ZFYVE28: variants seen among roughly 807,000 people sequenced by gnomAD.
ZFYVE28 encodes the protein lateral signaling target protein 2 homolog.
Under a neutral mutation model 82.1 loss-of-function variants are expected in ZFYVE28, and 40 were observed. That is an observed-to-expected ratio of 0.49 (90% CI 0.38 to 0.63). The LOEUF is 0.63. Ranked by LOEUF, ZFYVE28 falls within the 30% of genes least tolerant of loss-of-function variation. The pLI is 0.00. For missense variants in ZFYVE28, 1,321 were observed against 1,242.1 expected (o/e 1.06, Z -0.96); for synonymous variants, 612 against 546.1 (o/e 1.12, Z -1.68).
chr4:2,341,606 A>G lies in ZFYVE28; in HGVS notation c.190T>C (p.Leu64=). The G allele has an allele frequency of 6.2e-7, 1 of 1,609,664 alleles. No individual in the cohort carries two copies. Among genetic ancestry groups the G allele is most frequent in the Non-Finnish European group, 8.5e-7 (1 of 1,176,372 alleles). The change falls in exon 3 of 13, where the codon TTG becomes CTG. Residue 64 remains leucine (L), a synonymous_variant. Transcript: ENST00000290974. The surrounding 1 kb of genome is among the most constrained non-coding windows in gnomAD (Gnocchi z 4.5). ...TCCATGATCTGGTTAATGATGTTCA[A>G]CACATTGTCCTGAAACAGAAGACAG... ...SQFRSCQDNV[L]NIINQIMDEC... is the part of the protein sequence containing the mutation.
Position 2,304,613 on chromosome 4 carries a change from T to C in ZFYVE28, c.1727A>G (p.Asp576Gly). Residue 576 changes from aspartate (D) to glycine (G), a missense_variant, in exon 8 of 13, where the codon GAC (aspartate) becomes GGC (glycine). Physicochemically the swap from Asp to Gly is moderately conservative, Grantham distance 94 (BLOSUM62 -1). Coordinates refer to ENST00000290974, the MANE Select transcript of ZFYVE28 (RefSeq NM_020972.3). ...CCGSCGDSRE[D>G]VVERLREKCS... ...CTTCTCCCGCAGACGCTCCACCACGTCCTCCCTGCTGTCCCCGCAGCTCCC... is the reference window on the plus strand; with the variant it reads ...CTTCTCCCGCAGACGCTCCACCACGCCCTCCCTGCTGTCCCCGCAGCTCCC... The C allele has an allele frequency of 6.2e-7, 1 of 1,612,358 alleles. No individual in the cohort carries two copies. The highest frequency in any genetic ancestry group is 1.1e-5 in the South Asian group (1 of 91,038).
At chr4:2,374,512 C>G (rs1578302283) in intron 1 of ZFYVE28, among the ~76,000 whole-genome samples, 1 of 152,114 alleles carries the variant, frequency 6.6e-6, no homozygotes, top group Non-Finnish European at 1.5e-5. Context: ...ACTAGGGAGG[C>G]TGAGGTGGGA....
At chr4:2,404,634 C>T (rs1731624567) in intron 1 of ZFYVE28, among the ~76,000 whole-genome samples, 1 of 152,188 alleles carries the variant, frequency 6.6e-6, no homozygotes, top group African/African-American at 2.4e-5. Flanking sequence ...ACAGGCAAAT[C>T]CGCAGAGATG....
chr4:2,368,307 C>T (rs1333992449), intron 1 of ZFYVE28, among the ~76,000 whole-genome samples: 1 of 151,332 alleles, frequency 6.6e-6, no homozygotes, highest in Non-Finnish European at 1.5e-5. Context: ...GAGGCTGAAG[C>T]GGGAAGATCG....
rs148277005 is a variant in ZFYVE28, at chr4:2,305,450, C to T, written c.890G>A (p.Arg297His). 4.3e-5 allele frequency: 70 copies of T among 1,612,784 alleles called. 1 individual carries two copies. The highest frequency in any genetic ancestry group is 1.3e-4 in the African/African-American group (10 of 74,942). ...CISQDVEFPIRADVQGPAALA... is the reference protein window; with the variant it reads ...CISQDVEFPIHADVQGPAALA... ...GGCAGCGGGTCCCTGCACGTCTGCGCGGATGGGGAACTCCACGTCTTGGGA... is the reference window on the plus strand; with the variant it reads ...GGCAGCGGGTCCCTGCACGTCTGCGTGGATGGGGAACTCCACGTCTTGGGA... The change falls in exon 8 of 13, where the codon CGC (arginine) becomes CAC (histidine). Residue 297 changes from arginine to histidine, a missense_variant. Arg to His is a conservative substitution (Grantham distance 29). Transcript: ENST00000290974.
intron 6 of ZFYVE28, chr4:2,329,083 G>A (rs957213162): frequency 1.4e-6 from 1 of 694,166 alleles, no homozygotes; most frequent in African/African-American, 1.8e-5. Flanking sequence ...TTTCAATATT[G>A]TTTTGGCTAT....
At chr4:2,412,120 G>C (rs1578431658) in intron 1 of ZFYVE28, among the ~76,000 whole-genome samples, 1 of 152,310 alleles carries the variant, frequency 6.6e-6, no homozygotes, top group Middle Eastern at 3.4e-3. Flanking sequence ...GGGGATGCCT[G>C]AGGCGTACTA....
At chr4:2,410,452 T>C (rs992371040) in intron 1 of ZFYVE28, among the ~76,000 whole-genome samples, 15 of 76,946 alleles carry the variant, frequency 1.9e-4, no homozygotes, top group Admixed American at 1.5e-4. Flanking sequence ...CATCCTCCCT[T>C]TCTTTTTTTT....
rs538646849 is a variant in ZFYVE28 at position 2,369,207 on chromosome 4, C to T, written c.40-15134G>A. 1.1e-3 allele frequency among the ~76,000 whole-genome samples: 173 copies of T among 152,282 alleles called. 1 individual carries two copies. In the South Asian group the frequency reaches 0.034, roughly 30 times the overall value. On this transcript the variant is annotated intron_variant, in intron 1 of 12. Transcript: ENST00000290974. ...ACATCTGTGAGTCAAGGGTGTGGAA[C>T]GCCGCACTCTGTGGACTGACCAGAT... is the stretch of plus-strand genomic sequence containing the variant.
intron 8 of ZFYVE28, among the ~76,000 whole-genome samples, chr4:2,290,550 A>G (rs1713475375): frequency 6.6e-6 from 1 of 152,154 alleles, no homozygotes; most frequent in African/African-American, 2.4e-5. Flanking sequence ...TGTCTCCAAA[A>G]GCCGGGGGCC....
chr4:2,409,612 A>G lies in ZFYVE28; in HGVS notation c.39+8673T>C, dbSNP rs1732297811. On this transcript the variant is annotated intron_variant, in intron 1 of 12. Transcript: ENST00000290974. This position sits in a 1 kb window ranked among gnomAD's most constrained non-coding sequence, Gnocchi z 4.4. ...GATCCCTGGCTCAGGCAAGGCCCAC[A>G]TGGCCTGACAGCCTTGGAGATTCCC... Among the ~76,000 whole-genome samples, 1 of 152,136 alleles carries G rather than the reference A, an allele frequency of 6.6e-6. No individual in the cohort carries two copies. Among genetic ancestry groups the G allele is most frequent in the Non-Finnish European group, 1.5e-5 (1 of 68,018 alleles).
Position 2,270,851 on chromosome 4 carries a change from G to T in ZFYVE28, c.2538C>A (p.Phe846Leu), listed in dbSNP as rs761139102. 14 of 1,612,644 alleles carry T rather than the reference G, an allele frequency of 8.7e-6. No individual in the cohort carries two copies. The highest frequency in any genetic ancestry group is 1.1e-5 in the Non-Finnish European group (13 of 1,179,926). ...CTGAGTGCGAGGAGCAGCGCGAGCA[G>T]AAGATCTGGAATGGGGTTGGGGCAG... ...KHHCRSCGKI[F>L]CSRCSSHSAP... is the part of the protein sequence containing the mutation. Residue 846 changes from phenylalanine (F) to leucine (L), a missense_variant, in exon 13 of 13, where the codon TTC becomes TTA. Phe to Leu is a conservative substitution (Grantham distance 22). This residue lies in a region of ZFYVE28 where 978 missense variants were observed against 833.7 expected (regional missense o/e 1.17). Coordinates refer to ENST00000290974, the MANE Select transcript of ZFYVE28 (RefSeq NM_020972.3).
intron 7 of ZFYVE28, among the ~76,000 whole-genome samples, chr4:2,308,731 AAAAG>A (rs1717074415): frequency 6.6e-6 from 1 of 151,586 alleles, no homozygotes; most frequent in Non-Finnish European, 1.5e-5. Context: ...AAGAAAAAAG[AAAAG>A]AAAGGAAGGA....
At chr4:2,279,502 G>A (rs886203300) in intron 8 of ZFYVE28, among the ~76,000 whole-genome samples, 11 of 152,208 alleles carry the variant, frequency 7.2e-5, no homozygotes, top group African/African-American at 9.6e-5. Context: ...CAAACTGGCC[G>A]GGTGCAGTGG....
At position 2,371,925 on chromosome 4, in the gene ZFYVE28, C is replaced by T. The variant is rs545116285; in HGVS notation, c.40-17852G>A. On this transcript the variant is annotated intron_variant, in intron 1 of 12. Transcript: ENST00000290974. ...GGGCTCCAGGGCCGTGAGCTGATGG[C>T]CGTGTGTCCCCAGGATCCAGGGCTG... Among the ~76,000 whole-genome samples the T allele has an allele frequency of 3.3e-5, 5 of 152,154 alleles. No individual in the cohort carries two copies. The South Asian group carries it at 1.0e-3, about 32-fold the overall frequency.
chr4:2,323,633 G>A (rs920109335), intron 6 of ZFYVE28, among the ~76,000 whole-genome samples: 31 of 151,152 alleles, frequency 2.1e-4, no homozygotes, highest in African/African-American at 6.3e-4. Flanking sequence ...ATGCTGGTGC[G>A]CTGCACCCAT....
Position 2,279,596 on chromosome 4 carries a change from G to A in ZFYVE28, c.2052-5380C>T, listed in dbSNP as rs1040524867. 5.8e-4 allele frequency among the ~76,000 whole-genome samples: 88 copies of A among 152,162 alleles called. 1 individual carries two copies. Among genetic ancestry groups the A allele is most frequent in the Admixed American group, 2.1e-3 (32 of 15,286 alleles). On this transcript the variant is annotated intron_variant, in intron 8 of 12. Transcript: ENST00000290974. The stretch of plus-strand genomic sequence containing the variant: ...AGATCGAGACCATCCTGGCTAACAC[G>A]ATGAAACCCTGTCTCTACTAAAAAT...
intron 8 of ZFYVE28, among the ~76,000 whole-genome samples, chr4:2,295,365 T>A (rs1714390429): frequency 6.6e-6 from 1 of 151,848 alleles, no homozygotes; most frequent in African/African-American, 2.4e-5. Context: ...AAGACGGGGT[T>A]TTACCATGTT....
At chr4:2,397,973 G>C in intron 1 of ZFYVE28, among the ~76,000 whole-genome samples, 1 of 138,406 alleles carries the variant, frequency 7.2e-6, no homozygotes, top group Non-Finnish European at 1.5e-5. Flanking sequence ...GTGAGGCCCA[G>C]GCACCCATAG....
Sources: gnomAD v4.1 joint callset for allele counts (sites outside exome capture counted in the v4.1 genomes callset) on GRCh38, gnomAD v4.1.1 for gene constraint, gnomAD v4.1.1 regional missense constraint, Gnocchi (gnomAD v3.1) non-coding constraint, MANE v1.5 for transcripts, NCBI Gene and HGNC (gene_info 2026-07-23, HGNC 2026-07-21) for gene names.